Variants in PRKCA observed in about 807,000 individuals in gnomAD.
PRKCA encodes protein kinase C alpha, also known as protein kinase C alpha type.
A neutral mutation model predicts 87.0 loss-of-function variants in PRKCA; 27 were observed. The observed-to-expected ratio is 0.31, with a 90% CI of 0.23 to 0.43. The LOEUF is 0.43. Among genes scored for constraint, PRKCA ranks in the 20% least tolerant of loss-of-function variants. The pLI, the probability that PRKCA is intolerant of heterozygous loss-of-function variation, is 1.00. For synonymous variants in PRKCA, 329 were observed against 311.1 expected (o/e 1.06, Z -0.61); for missense variants, 518 against 852.3 (o/e 0.61, Z 4.88).
intron 3 of PRKCA, among the ~76,000 whole-genome samples, chr17:66,619,002 A>G (rs978590976): frequency 4.6e-5 from 7 of 152,224 alleles, no homozygotes; most frequent in African/African-American, 1.7e-4. Flanking sequence ...CTCATTGGGC[A>G]TAATTAGCTC....
At chr17:66,734,466 GT>G (rs1484473145) in intron 9 of PRKCA, among the ~76,000 whole-genome samples, 1 of 152,208 alleles carries the variant, frequency 6.6e-6, no homozygotes, top group African/African-American at 2.4e-5. Flanking sequence ...TTTGTAAACT[GT>G]TGGGGTGCTG....
intron 2 of PRKCA, among the ~76,000 whole-genome samples, chr17:66,363,665 A>C (rs563145889): frequency 6.6e-6 from 1 of 152,138 alleles, no homozygotes; most frequent in South Asian, 2.1e-4. Flanking sequence ...CACGGGGTGG[A>C]TATAGAAATG....
chr17:66,314,833 G>A (rs975876163), intron 2 of PRKCA, among the ~76,000 whole-genome samples: 4 of 151,364 alleles, frequency 2.6e-5, no homozygotes, highest in Middle Eastern at 6.8e-3. Flanking sequence ...TAATCTCTAC[G>A]ATAGAATTTC....
In PRKCA at chr17:66,573,595, T is replaced by C. The variant is rs80008069; in HGVS notation, c.289-67760T>C. ...TAAGAGTATCAAAAAGTGTGAAGAATTAAAGATTAACCAAAATTCTGGGAA... is the reference window on the plus strand; with the variant it reads ...TAAGAGTATCAAAAAGTGTGAAGAACTAAAGATTAACCAAAATTCTGGGAA... On this transcript the variant is annotated intron_variant, in intron 3 of 16. Coordinates refer to ENST00000413366, the MANE Select transcript of PRKCA (RefSeq NM_002737.3). Among the ~76,000 whole-genome samples the C allele has an allele frequency of 4.0e-3, 611 of 152,324 alleles. 26 individuals are homozygous for C. The East Asian group carries it at 0.1, about 25-fold the overall frequency.
chr17:66,390,671 TTTAA>T (rs1198315443), intron 2 of PRKCA, among the ~76,000 whole-genome samples: 1 of 152,206 alleles, frequency 6.6e-6, no homozygotes, highest in Non-Finnish European at 1.5e-5. Flanking sequence ...TTAGTCACTT[TTTAA>T]TTATGTGACC....
chr17:66,613,465 C>T (rs182180385), intron 3 of PRKCA, among the ~76,000 whole-genome samples: 2 of 152,290 alleles, frequency 1.3e-5, no homozygotes, highest in East Asian at 3.9e-4. Flanking sequence ...TTACCAAACT[C>T]GTTTTCTTAA....
intron 2 of PRKCA, among the ~76,000 whole-genome samples, chr17:66,338,252 T>C (rs571143217): frequency 1.3e-5 from 2 of 152,126 alleles, no homozygotes; most frequent in Non-Finnish European, 2.9e-5. Context: ...TTGGTTTTCT[T>C]TGGTCACTGA....
intron 8 of PRKCA, among the ~76,000 whole-genome samples, chr17:66,710,874 C>CA (rs552452025): frequency 0.097 from 13,831 of 143,318 alleles, 645 homozygotes; most frequent in Middle Eastern, 0.16. Context: ...TACCAAAAAA[C>CA]AAAAAAAAAA....
chr17:66,648,462 G>A (rs1156987250), intron 5 of PRKCA, among the ~76,000 whole-genome samples: 2 of 152,212 alleles, frequency 1.3e-5, no homozygotes, highest in Non-Finnish European at 2.9e-5. Context: ...AGGAAATGAA[G>A]TGACTCACCC....
chr17:66,581,667 G>T (rs759079946), intron 3 of PRKCA, among the ~76,000 whole-genome samples: 1 of 152,008 alleles, frequency 6.6e-6, no homozygotes, highest in Non-Finnish European at 1.5e-5. Context: ...AATAGAGATA[G>T]GGTTTCACCG....
At chr17:66,575,303 G>T (rs1035307297) in intron 3 of PRKCA, among the ~76,000 whole-genome samples, 1 of 152,374 alleles carries the variant, frequency 6.6e-6, no homozygotes, top group South Asian at 2.1e-4. Flanking sequence ...ATTGGGCCAG[G>T]TGTGGTAGCT....
chr17:66,633,999 GCA>G (rs1189292809), intron 3 of PRKCA, among the ~76,000 whole-genome samples: 1 of 152,170 alleles, frequency 6.6e-6, no homozygotes, highest in Non-Finnish European at 1.5e-5. Context: ...TCCGAATTCT[GCA>G]CAGTGTAGAT....
At chr17:66,355,740 TG>T (rs142595881) in intron 2 of PRKCA, among the ~76,000 whole-genome samples, 4 of 152,302 alleles carry the variant, frequency 2.6e-5, no homozygotes, top group Non-Finnish European at 5.9e-5. Context: ...TTTCCAGTTT[TG>T]GGGGAAATGA....
intron 2 of PRKCA, among the ~76,000 whole-genome samples, chr17:66,426,846 G>A (rs763459283): frequency 6.6e-6 from 1 of 152,164 alleles, no homozygotes; most frequent in East Asian, 1.9e-4. Context: ...TGGAGCAGTG[G>A]CAGCCATCCT....
intron 3 of PRKCA, among the ~76,000 whole-genome samples, chr17:66,551,996 T>C (rs868549990): frequency 1.3e-5 from 2 of 152,160 alleles, no homozygotes; most frequent in South Asian, 4.1e-4. Context: ...TTATGTACAG[T>C]GTAAACAATA....
At chr17:66,652,501 T>C (rs1971613765) in intron 5 of PRKCA, among the ~76,000 whole-genome samples, 1 of 152,138 alleles carries the variant, frequency 6.6e-6, no homozygotes, top group African/African-American at 2.4e-5. Flanking sequence ...TTTTTCCTAA[T>C]GTCTACAACC....
intron 2 of PRKCA, among the ~76,000 whole-genome samples, chr17:66,438,118 G>A (rs946038183): frequency 5.3e-5 from 8 of 152,064 alleles, no homozygotes; most frequent in Non-Finnish European, 1.0e-4. Context: ...GAGCTGAGGG[G>A]TCTCTGTTCT....
rs1975934501 is a variant in PRKCA, at chr17:66,803,009, G to T, written c.1855-864G>T. On this transcript the variant is annotated intron_variant, in intron 16 of 16. Coordinates refer to ENST00000413366, the MANE Select transcript of PRKCA (RefSeq NM_002737.3). This position sits in a 1 kb window ranked among gnomAD's most constrained non-coding sequence, Gnocchi z 4.4. Reference sequence around the variant, plus strand: ...CAACACGCCACTACCCTTGTGGGTGGCTGACAAGGTGAAGAGAACACTCCT... The same window carrying T: ...CAACACGCCACTACCCTTGTGGGTGTCTGACAAGGTGAAGAGAACACTCCT... Among the ~76,000 whole-genome samples, 1 of 152,176 alleles carries T rather than the reference G, an allele frequency of 6.6e-6. No individual in the cohort carries two copies.
chr17:66,332,883 G>A lies in PRKCA; in HGVS notation c.205+26756G>A, dbSNP rs559752230. ...ATTTTTTGTATTTTTAGTAGAGACG[G>A]GGTTTCACCATGTTAGCCAGGATGG... On this transcript the variant is annotated intron_variant, in intron 2 of 16. Coordinates refer to ENST00000413366, the MANE Select transcript of PRKCA (RefSeq NM_002737.3). Among the ~76,000 whole-genome samples, 82 of 152,154 alleles carry A rather than the reference G, an allele frequency of 5.4e-4. 1 individual carries two copies. The highest frequency in any genetic ancestry group is 1.9e-3 in the African/African-American group (78 of 41,522).
Sources: gnomAD v4.1 joint callset for allele counts (sites outside exome capture counted in the v4.1 genomes callset) on GRCh38, gnomAD v4.1.1 for gene constraint, Gnocchi (gnomAD v3.1) non-coding constraint, MANE v1.5 for transcripts, NCBI Gene and HGNC (gene_info 2026-07-23, HGNC 2026-07-21) for gene names.